VASH1: variants seen among roughly 807,000 people sequenced by gnomAD.
VASH1 encodes tubulinyl-Tyr carboxypeptidase 1.
In VASH1, 16 loss-of-function variants were observed where a neutral mutation model predicts 35.0. That is an observed-to-expected ratio of 0.46 (90% CI 0.31 to 0.70). The LOEUF (loss-of-function observed/expected upper bound fraction) is 0.70, where lower values mean the gene tolerates loss of function less well. VASH1 is among the 30% of genes least tolerant of loss of function. The probability of loss-of-function intolerance (pLI) is 0.05; values close to 1 mark genes in which losing one functional copy is unlikely to be tolerated. For missense variants in VASH1, 505 were observed against 510.7 expected (o/e 0.99, Z 0.11); for synonymous variants, 214 against 200.9 (o/e 1.07, Z -0.55).
rs757043971 is a variant in VASH1, at chr14:76,775,994, C to A, written c.633C>A (p.Phe211Leu). The change falls in exon 5 of 7, where the codon TTC becomes TTA. Residue 211 changes from phenylalanine (F) to leucine (L), a missense_variant. Coordinates refer to ENST00000167106, the MANE Select transcript of VASH1 (RefSeq NM_014909.5). ...YFRHIVLGVN[F>L]AGRYGALGMS... is the part of the protein sequence containing the mutation. The stretch of plus-strand genomic sequence containing the variant: ...GCCACATCGTGCTGGGGGTGAACTT[C>A]GCGGGCCGCTACGGTGCGCTGGGCA... The A allele has an allele frequency of 3.1e-6, 5 of 1,612,044 alleles. No homozygotes were observed. The highest frequency in any genetic ancestry group is 4.2e-6 in the Non-Finnish European group (5 of 1,179,528).
At chr14:76,771,308 T>C in intron 3 of VASH1, 62 bp downstream of exon 3, 1 of 1,469,752 alleles carries the variant, frequency 6.8e-7, no homozygotes, top group Non-Finnish European at 9.1e-7. Flanking sequence ...GAAAGCCCTA[T>C]AGTGCACCTT....
chr14:76,762,050 C>T lies in VASH1; in HGVS notation c.-772C>T. The T allele has an allele frequency of 6.6e-6, 1 of 152,614 alleles. No homozygotes were observed. Among genetic ancestry groups the T allele is most frequent in the South Asian group, 2.1e-4 (1 of 4,834 alleles). 9.5% of individuals were successfully genotyped at this position (152,614 alleles called of 1,614,324 possible). ...CCTCGGGGCTCGCAGCCTTCGCCTC[C>T]CCGCCGCGCCCGCTCCCTTTCTGGG... On this transcript the variant is annotated 5_prime_UTR_variant, in exon 1 of 7. Transcript: ENST00000167106.
At chr14:76,778,160 T>TC (rs1893999510) in intron 6 of VASH1, 89 bp downstream of exon 6, 3 of 964,768 alleles carry the variant, frequency 3.1e-6, no homozygotes, top group Non-Finnish European at 4.3e-6. Flanking sequence ...TTTATCTCTC[T>TC]CCCACCCTTC....
chr14:76,774,276 C>T (rs2140183656), intron 4 of VASH1: 1 of 152,390 alleles, frequency 6.6e-6, no homozygotes, highest in African/African-American at 2.4e-5. Context: ...CTATGGCAGG[C>T]ATTTGCTAAC....
Position 76,769,976 on chromosome 14 carries a change from G to A in VASH1, c.323G>A (p.Ser108Asn). 1 of 1,613,896 alleles carries A rather than the reference G, an allele frequency of 6.2e-7. No homozygotes were observed. Among genetic ancestry groups the A allele is most frequent in the Non-Finnish European group, 8.5e-7 (1 of 1,179,888 alleles). Residue 108 changes from serine (S) to asparagine (N), a missense_variant, in exon 2 of 7, where the codon AGT (serine) becomes AAT (asparagine). Coordinates refer to ENST00000167106, the MANE Select transcript of VASH1 (RefSeq NM_014909.5). ...CTCTGTCCCCAGATCCCCATACCGA[G>A]TGTGCCTACGTTCCAGCCGTCTACA... is the stretch of plus-strand genomic sequence containing the variant. ...ATDLPKIPIP[S>N]VPTFQPSTPV...
At position 76,767,387 on chromosome 14, in the gene VASH1, TC is replaced by T. The variant is rs11295257; in HGVS notation, c.310-2574del. The stretch of plus-strand genomic sequence containing the variant: ...AGGCCACACTTTTTGGGCGCACACA[TC>T]CAGCTGCAAGCTCTCCCCACCTCCC... On this transcript the variant is annotated intron_variant, in intron 1 of 6. Coordinates refer to ENST00000167106, the MANE Select transcript of VASH1 (RefSeq NM_014909.5). 5.0e-3 allele frequency among the ~76,000 whole-genome samples: 760 copies of T among 152,248 alleles called. 8 individuals are homozygous for T. Among genetic ancestry groups the T allele is most frequent in the African/African-American group, 0.017 (720 of 41,530 alleles).
rs1272298272 is a variant in VASH1, at chr14:76,762,950, G to A, written c.129G>A (p.Glu43=). ...TSEGTSAQRD[E]EPEEEGEEDL... ...AAGGAACCTCAGCCCAGAGAGATGA[G>A]GAGCCAGAAGAGGAAGGGGAAGAGG... Residue 43 remains glutamate, a synonymous_variant, in exon 1 of 7, where the codon GAG becomes GAA. Coordinates refer to ENST00000167106, the MANE Select transcript of VASH1 (RefSeq NM_014909.5). The A allele has an allele frequency of 1.3e-6, 2 of 1,564,138 alleles. No individual in the cohort carries two copies. Among genetic ancestry groups the A allele is most frequent in the Non-Finnish European group, 1.7e-6 (2 of 1,154,734 alleles).
Position 76,779,457 on chromosome 14 carries a change from T to TG in VASH1, c.*444dup, listed in dbSNP as rs1052275480. ...GCCTTACCAGGCCTGTGATGGGGGG[T>TG]GGGGGTGGGGTGGAGATGTTTCTCC... On this transcript the variant is annotated 3_prime_UTR_variant, in exon 7 of 7. Transcript: ENST00000167106. 1.6e-5 allele frequency: 4 copies of TG among 245,124 alleles called. No homozygotes were observed. In the African/African-American group the frequency reaches 1.8e-4, roughly 11 times the overall value. 15.2% of individuals were successfully genotyped at this position (245,124 alleles called of 1,614,324 possible).
At chr14:76,763,947 G>GA (rs1179980541) in intron 1 of VASH1, among the ~76,000 whole-genome samples, 1 of 151,884 alleles carries the variant, frequency 6.6e-6, no homozygotes, top group Non-Finnish European at 1.5e-5. Flanking sequence ...TTTGCTGAAT[G>GA]AAAGGGTATT....
In VASH1 at chr14:76,762,897, T is replaced by A. The variant is rs1338007156; in HGVS notation, c.76T>A (p.Ser26Thr). The stretch of plus-strand genomic sequence containing the variant: ...AACGTCCGCTGCGGCCACCGCCCCC[T>A]CTGGGGTCAGGCGTTTGGAGACCAG... ...TPTSAAATAP[S>T]GVRRLETSEG... Residue 26 changes from serine (S) to threonine (T), a missense_variant, in exon 1 of 7, where the codon TCT (serine) becomes ACT (threonine). Physicochemically the swap from Ser to Thr is moderately conservative, Grantham distance 58. Coordinates refer to ENST00000167106, the MANE Select transcript of VASH1 (RefSeq NM_014909.5). The A allele has an allele frequency of 6.4e-7, 1 of 1,571,428 alleles. No homozygotes were observed. The highest frequency in any genetic ancestry group is 2.3e-5 in the East Asian group (1 of 42,794).
chr14:76,778,170 C>T, intron 6 of VASH1, 99 bp downstream of exon 6: 1 of 920,626 alleles, frequency 1.1e-6, no homozygotes, highest in Non-Finnish European at 1.5e-6. Flanking sequence ...TCCCACCCTT[C>T]TCTCTTTTTC....
intron 1 of VASH1, among the ~76,000 whole-genome samples, chr14:76,764,764 C>T (rs779446951): frequency 2.3e-4 from 35 of 151,012 alleles, no homozygotes; most frequent in Non-Finnish European, 5.0e-4. Flanking sequence ...TGGCTCACTG[C>T]AGCCTCCACC....
In VASH1 at chr14:76,762,671, C is replaced by T. The variant is rs1893533999; in HGVS notation, c.-151C>T. 2 of 605,352 alleles carry T rather than the reference C, an allele frequency of 3.3e-6. No homozygotes were observed. The highest frequency in any genetic ancestry group is 3.4e-5 in the East Asian group (1 of 29,842). 37.5% of individuals were successfully genotyped at this position (605,352 alleles called of 1,614,324 possible). ...ACCTTATTGCACTGATTTTTTTTAT[C>T]AAGTCGTATTTTATTGTACAGGAGC... On this transcript the variant is annotated 5_prime_UTR_variant, in exon 1 of 7. Transcript: ENST00000167106.
At position 76,762,654 on chromosome 14, in the gene VASH1, G is replaced by T; in HGVS notation, c.-168G>T. The T allele has an allele frequency of 1.9e-6, 1 of 533,962 alleles. No homozygotes were observed. The highest frequency in any genetic ancestry group is 3.1e-6 in the Non-Finnish European group (1 of 325,736). 33.1% of individuals were successfully genotyped at this position (533,962 alleles called of 1,614,324 possible). A position where few individuals can be genotyped will look rare whatever the true frequency, so the allele number is the denominator to read the frequency against. On this transcript the variant is annotated 5_prime_UTR_variant, in exon 1 of 7. Transcript: ENST00000167106. ...CCCTCGGACCCTAATTCACCTTATT[G>T]CACTGATTTTTTTTATCAAGTCGTA... is the stretch of plus-strand genomic sequence containing the variant.
Position 76,776,124 on chromosome 14 carries a change from A to G in VASH1, c.763A>G (p.Lys255Glu). ...CTACGGCCGCTGCTGGCACGTGCTC[A>G]AGAAGGTGAAGCTGGGCCAGAGCGT... ...AAYGRCWHVL[K>E]KVKLGQSVSH... Residue 255 changes from lysine to glutamate, a missense_variant, in exon 5 of 7, where the codon AAG (lysine) becomes GAG (glutamate). Lys to Glu is a moderately conservative substitution (Grantham distance 56). Transcript: ENST00000167106. The G allele has an allele frequency of 6.2e-7, 1 of 1,609,808 alleles. No homozygotes were observed. The highest frequency in any genetic ancestry group is 8.5e-7 in the Non-Finnish European group (1 of 1,179,638).
intron 1 of VASH1, among the ~76,000 whole-genome samples, chr14:76,769,037 G>A (rs1411292802): frequency 6.6e-6 from 1 of 152,232 alleles, no homozygotes; most frequent in Non-Finnish European, 1.5e-5. Context: ...CTTGTTGGCA[G>A]CCAAACTGCC....
rs571420477 is a variant in VASH1 at position 76,761,649 on chromosome 14, C to T, written c.-1173C>T. Among the ~76,000 whole-genome samples the T allele has an allele frequency of 6.6e-6, 1 of 151,990 alleles. No homozygotes were observed. Among genetic ancestry groups the T allele is most frequent in the South Asian group, 2.1e-4 (1 of 4,828 alleles). ...GGCTGCTCCCCAGGCACCAGCGCAGCGCGCGCTCGCCCGGCTTCGTCACTC... is the reference window on the plus strand; with the variant it reads ...GGCTGCTCCCCAGGCACCAGCGCAGTGCGCGCTCGCCCGGCTTCGTCACTC... On this transcript the variant is annotated 5_prime_UTR_variant, in exon 1 of 7. Coordinates refer to ENST00000167106, the MANE Select transcript of VASH1 (RefSeq NM_014909.5).
At chr14:76,767,812 T>C (rs542019423) in intron 1 of VASH1, among the ~76,000 whole-genome samples, 28 of 152,352 alleles carry the variant, frequency 1.8e-4, no homozygotes, top group African/African-American at 6.5e-4. Context: ...ATGGTGGCCT[T>C]AAGGTCTTGC....
chr14:76,779,108 G>A lies in VASH1; in HGVS notation c.*90G>A. Reference sequence around the variant, plus strand: ...CCTTATGCATGGGGAAGGCGGGGCTGGTGACAAGGCAGGGCAAGAGGCTGC... The same window carrying A: ...CCTTATGCATGGGGAAGGCGGGGCTAGTGACAAGGCAGGGCAAGAGGCTGC... On this transcript the variant is annotated 3_prime_UTR_variant, in exon 7 of 7. Transcript: ENST00000167106. The A allele has an allele frequency of 7.1e-7, 1 of 1,414,626 alleles. No individual in the cohort carries two copies. The highest frequency in any genetic ancestry group is 9.9e-7 in the Non-Finnish European group (1 of 1,007,760). The allele number at this position is 1,414,626 out of a possible 1,614,324, so 87.6% of individuals were successfully genotyped here.
Sources: allele counts gnomAD v4.1 joint callset (sites outside exome capture counted in the v4.1 genomes callset), GRCh38; gene constraint gnomAD v4.1.1; transcripts MANE v1.5; gene names NCBI Gene and HGNC (gene_info 2026-07-23, HGNC 2026-07-21).